Variants in DNAH3 observed in about 807,000 individuals in gnomAD.
The protein encoded by DNAH3 is axonemal beta dynein heavy chain 3.
DNAH3 carries 332 observed loss-of-function variants against 432.5 expected under a neutral mutation model. The ratio of observed to expected loss-of-function variants is 0.77; its 90% CI spans 0.70 to 0.84. The LOEUF (loss-of-function observed/expected upper bound fraction) is 0.84. Ranked by LOEUF, DNAH3 falls within the 40% of genes least tolerant of loss-of-function variation. The pLI, the probability that DNAH3 is intolerant of heterozygous loss-of-function variation, is 0.00. For synonymous variants in DNAH3, 1,956 were observed against 1,900.2 expected (o/e 1.03, Z -0.76); for missense variants, 4,861 against 5,114.0 (o/e 0.95, Z 1.51).
At chr16:21,101,565 A>G (rs976622180) in intron 16 of DNAH3, among the ~76,000 whole-genome samples, 2 of 152,222 alleles carry the variant, frequency 1.3e-5, no homozygotes, top group African/African-American at 4.8e-5. Context: ...ATTCACTCCC[A>G]TGTTCAAAGA....
Position 21,012,194 on chromosome 16 carries a change from C to T in DNAH3, c.6022+7430G>A, listed in dbSNP as rs116560259. Among the ~76,000 whole-genome samples, 798 of 152,160 alleles carry T rather than the reference C, an allele frequency of 5.2e-3. 5 individuals are homozygous for T. Among genetic ancestry groups the T allele is most frequent in the African/African-American group, 0.018 (748 of 41,506 alleles). On this transcript the variant is annotated intron_variant, in intron 41 of 61. Coordinates refer to ENST00000261383, the Ensembl canonical transcript of DNAH3. ...GGCTGATATCAAAATGAAAAGCGCA[C>T]CTCGAAAGACCAAAGCCCCAAAACA... is the stretch of plus-strand genomic sequence containing the variant.
intron 59 of DNAH3, among the ~76,000 whole-genome samples, chr16:20,939,344 G>T (rs2083715812): frequency 1.3e-5 from 2 of 152,176 alleles, no homozygotes; most frequent in South Asian, 4.1e-4. Flanking sequence ...GGGCACAGTG[G>T]CTTACACCTG....
chr16:21,023,786 G>GGTGGGTGTGT (rs1555530934), intron 39 of DNAH3, among the ~76,000 whole-genome samples: 6 of 146,384 alleles, frequency 4.1e-5, no homozygotes, highest in Admixed American at 1.4e-4. Context: ...CAGCTTTTGG[G>GGTGGGTGTGT]GTGTGTGTGT....
chr16:21,149,576 G>C (rs2092828008), intron 1 of DNAH3, among the ~76,000 whole-genome samples: 1 of 152,180 alleles, frequency 6.6e-6, no homozygotes, highest in Admixed American at 6.5e-5. Flanking sequence ...TCTGGTCTTA[G>C]ATAAAAATAT....
At chr16:21,139,320 C>CTTTTTTT (rs9302391) in intron 5 of DNAH3, among the ~76,000 whole-genome samples, 1,550 of 29,626 alleles carry the variant, frequency 0.052, 456 homozygotes, top group Middle Eastern at 0.12. Context: ...TTTCCTCATG[C>CTTTTTTT]TTTTTTTTTT....
At chr16:21,112,129 C>T (rs1022950565) in intron 12 of DNAH3, 31 bp from the exon 13 acceptor site, 11 of 1,472,704 alleles carry the variant, frequency 7.5e-6, no homozygotes, top group African/African-American at 1.4e-5. Flanking sequence ...AAATCAAACA[C>T]ACAAATATAA....
intron 44 of DNAH3, among the ~76,000 whole-genome samples, chr16:20,996,123 T>G (rs2086751785): frequency 6.6e-6 from 1 of 152,246 alleles, no homozygotes; most frequent in African/African-American, 2.4e-5. Flanking sequence ...TATGTGACGA[T>G]TTGGGAAGAT....
At chr16:21,095,126 G>A (rs1302590889) in intron 18 of DNAH3, among the ~76,000 whole-genome samples, 2 of 152,174 alleles carry the variant, frequency 1.3e-5, no homozygotes, top group Admixed American at 1.3e-4. Context: ...GATGCACAAC[G>A]GCACAGCCAC....
At chr16:20,943,246 ATT>A (rs989131543) in intron 58 of DNAH3, among the ~76,000 whole-genome samples, 2 of 144,626 alleles carry the variant, frequency 1.4e-5, no homozygotes, top group African/African-American at 2.5e-5. Flanking sequence ...GAGCTCAGCT[ATT>A]TTTTTTTTTT....
At chr16:21,097,463 TCTC>T in exon 18 of DNAH3, 1 of 1,613,950 alleles carries the variant, frequency 6.2e-7, no homozygotes, top group East Asian at 2.2e-5. Context: ...TAAGTACTCT[TCTC>T]CTTTTCCAAT....
At chr16:20,938,682 A>AAG (rs2083687707) in intron 59 of DNAH3, among the ~76,000 whole-genome samples, 2 of 151,588 alleles carry the variant, frequency 1.3e-5, no homozygotes, top group Non-Finnish European at 2.9e-5. Flanking sequence ...AAAAAAAAAA[A>AAG]AAAAAGGGAA....
At chr16:20,939,116 G>C (rs1223280066) in intron 59 of DNAH3, among the ~76,000 whole-genome samples, 1 of 152,064 alleles carries the variant, frequency 6.6e-6, no homozygotes, top group Non-Finnish European at 1.5e-5. Context: ...GAAAGCCCCT[G>C]CAACCACCAA....
At chr16:21,034,012 T>A (rs775287761) in exon 36 of DNAH3, 1 of 1,613,838 alleles carries the variant, frequency 6.2e-7, no homozygotes, top group South Asian at 1.1e-5. Context: ...CAACACTTTA[T>A]AAGCAGAGGT....
chr16:20,978,132 G>A (rs1225939257), intron 50 of DNAH3, among the ~76,000 whole-genome samples: 1 of 152,214 alleles, frequency 6.6e-6, no homozygotes, highest in Non-Finnish European at 1.5e-5. Context: ...AATAACTCAT[G>A]TGCCAGGCAT....
intron 11 of DNAH3, among the ~76,000 whole-genome samples, chr16:21,120,091 C>T (rs575875091): frequency 1.7e-4 from 25 of 143,758 alleles, no homozygotes; most frequent in Non-Finnish European, 3.3e-4. Flanking sequence ...CTCTTGTTAG[C>T]TTTTCCCTAC....
chr16:20,959,168 C>G lies in DNAH3; in HGVS notation c.10826+11G>C. 6.2e-7 allele frequency: 1 copy of G among 1,611,664 alleles called. No homozygotes were observed. ...GGTCCCAGAGAAGGCAGTGGTGGGACAGCATCTCACCTGAATCTGGCATTG... is the reference window on the plus strand; with the variant it reads ...GGTCCCAGAGAAGGCAGTGGTGGGAGAGCATCTCACCTGAATCTGGCATTG... On this transcript the variant is annotated intron_variant, in intron 54 of 61. Coordinates refer to ENST00000261383, the Ensembl canonical transcript of DNAH3.
chr16:20,983,235 C>G (rs1355295710), intron 48 of DNAH3, among the ~76,000 whole-genome samples: 1 of 152,202 alleles, frequency 6.6e-6, no homozygotes, highest in East Asian at 1.9e-4. Context: ...AAGCTATTCT[C>G]CTGCCTCAGC....
chr16:21,120,620 T>G (rs770531293), intron 11 of DNAH3: 1 of 764,120 alleles, frequency 1.3e-6, no homozygotes, highest in Non-Finnish European at 2.3e-6. Flanking sequence ...TCAGTCTACG[T>G]TGTTTTTCCT....
chr16:20,967,492 CTT>C (rs756357963), intron 52 of DNAH3, among the ~76,000 whole-genome samples: 560 of 52,748 alleles, frequency 0.011, 5 homozygotes, highest in African/African-American at 0.051. Context: ...CAGACTTCTG[CTT>C]TTTTTTTTTT....
Sources: allele counts gnomAD v4.1 joint callset (sites outside exome capture counted in the v4.1 genomes callset), GRCh38; gene constraint gnomAD v4.1.1; transcripts MANE v1.5; gene names NCBI Gene and HGNC (gene_info 2026-07-23, HGNC 2026-07-21).